PAX3: variants seen among roughly 807,000 people sequenced by gnomAD.
The protein encoded by PAX3 is paired box 3.
A neutral mutation model predicts 51.6 loss-of-function variants in PAX3; 14 were observed. The observed-to-expected ratio is 0.27, with a 90% CI of 0.18 to 0.42. The LOEUF is 0.42. Among genes scored for constraint, PAX3 ranks in the 10% least tolerant of loss-of-function variants. The pLI is 1.00. For missense variants in PAX3, 540 were observed against 642.8 expected, an observed-to-expected ratio of 0.84 and a Z score of 1.73; for synonymous variants, 280 against 253.4, an observed-to-expected ratio of 1.11 and a Z score of -1.00.
intron 4 of PAX3, among the ~76,000 whole-genome samples, chr2:222,238,907 A>G (rs773414506): frequency 4.6e-5 from 7 of 152,200 alleles, no homozygotes; most frequent in Non-Finnish European, 1.0e-4. Flanking sequence ...CTAATTGCAG[A>G]AGGTCTCCTG....
intron 4 of PAX3, among the ~76,000 whole-genome samples, chr2:222,241,393 A>G (rs761278408): frequency 1.3e-5 from 2 of 152,226 alleles, no homozygotes; most frequent in Non-Finnish European, 2.9e-5. Context: ...GGAAGAAGAG[A>G]CAAATGAACA....
intron 4 of PAX3, among the ~76,000 whole-genome samples, chr2:222,292,396 C>G (rs1327749948): frequency 6.6e-6 from 1 of 152,214 alleles, no homozygotes; most frequent in African/African-American, 2.4e-5. Flanking sequence ...GGCTTTGTCT[C>G]CCAAGTTCAT....
chr2:222,293,856 G>A, intron 4 of PAX3: 3 of 1,612,204 alleles, frequency 1.9e-6, no homozygotes, highest in Non-Finnish European at 2.5e-6. Flanking sequence ...ACATTTAATG[G>A]CAACAGAGTG....
chr2:222,201,861 G>A, intron 8 of PAX3, 83 bp downstream of exon 8: 1 of 1,611,704 alleles, frequency 6.2e-7, no homozygotes, highest in Non-Finnish European at 8.5e-7. Flanking sequence ...GCTTAATCTT[G>A]CCTCTAATTC....
Position 222,210,178 on chromosome 2 carries a change from C to T in PAX3, c.1174-7988G>A, listed in dbSNP as rs77447930. Among the ~76,000 whole-genome samples, 1,019 of 152,282 alleles carry T rather than the reference C, an allele frequency of 6.7e-3. 12 individuals are homozygous for T. The highest frequency in any genetic ancestry group is 0.023 in the African/African-American group (973 of 41,556). Reference sequence around the variant, plus strand: ...GTAGGCTGGCAACATGCAGAACCTACTTTGATCTTCAGAAACTAATTCTGT... The same window carrying T: ...GTAGGCTGGCAACATGCAGAACCTATTTTGATCTTCAGAAACTAATTCTGT... On this transcript the variant is annotated intron_variant, in intron 7 of 8. Transcript: ENST00000392070.
intron 4 of PAX3, chr2:222,263,104 T>C (rs947612456): frequency 6.6e-6 from 1 of 152,132 alleles, no homozygotes; most frequent in Admixed American, 6.6e-5. Flanking sequence ...AAATAAAAAA[T>C]TGACAAATTG....
intron 5 of PAX3, 151 bp from the exon 6 acceptor site, chr2:222,221,538 T>C (rs1422503621): frequency 1.9e-5 from 14 of 740,404 alleles, no homozygotes; most frequent in Non-Finnish European, 2.8e-5. Context: ...TTGGGCGAAT[T>C]GTCAGGAGTA....
At chr2:222,249,592 T>C (rs1256998260) in intron 4 of PAX3, among the ~76,000 whole-genome samples, 1 of 151,852 alleles carries the variant, frequency 6.6e-6, no homozygotes, top group South Asian at 2.2e-4. Flanking sequence ...TTTGGGAAGA[T>C]CCACTTTAAG....
At chr2:222,217,906 C>T (rs1225217782) in intron 7 of PAX3, among the ~76,000 whole-genome samples, 2 of 152,118 alleles carry the variant, frequency 1.3e-5, no homozygotes, top group Non-Finnish European at 2.9e-5. Context: ...ATCCAATTTT[C>T]CTACTCCACT....
chr2:222,289,210 C>T (rs1694940861), intron 4 of PAX3, among the ~76,000 whole-genome samples: 1 of 152,192 alleles, frequency 6.6e-6, no homozygotes, highest in African/African-American at 2.4e-5. Flanking sequence ...GAACGTAAAA[C>T]ATTTTCTGTT....
intron 5 of PAX3, chr2:222,221,600 T>A (rs1320311676): frequency 1.9e-6 from 1 of 529,994 alleles, no homozygotes; most frequent in African/African-American, 1.9e-5. Context: ...GGACCCACCA[T>A]GATCTTGCAA....
At chr2:222,294,424 T>C in intron 3 of PAX3, 123 bp from the exon 4 acceptor site, 1 of 1,022,888 alleles carries the variant, frequency 9.8e-7, no homozygotes, top group Non-Finnish European at 1.5e-6. Context: ...CCTGCACTGC[T>C]CGCGGGTGTC....
chr2:222,253,842 TG>T (rs1353008607), intron 4 of PAX3, among the ~76,000 whole-genome samples: 2 of 151,982 alleles, frequency 1.3e-5, no homozygotes, highest in Non-Finnish European at 2.9e-5. Flanking sequence ...TTTTAAGAGA[TG>T]GGGCTCTCAC....
chr2:222,262,050 G>C (rs6760077), intron 4 of PAX3, among the ~76,000 whole-genome samples: 21,042 of 152,186 alleles, frequency 0.14, 1,724 homozygotes, highest in Non-Finnish European at 0.18. Flanking sequence ...ACAATCCATT[G>C]GTTTTGCATG....
In PAX3 at chr2:222,297,070, G is replaced by A; in HGVS notation, c.229C>T (p.Arg77Cys). The change falls in exon 2 of 9, where the codon CGC (arginine) becomes TGC (cysteine). Residue 77 changes from arginine (R) to cysteine (C), a missense_variant. Physicochemically the swap from Arg to Cys is radical, Grantham distance 180. This residue lies in a region of PAX3 where 50 missense variants were observed against 109.3 expected (regional missense o/e 0.46). Transcript: ENST00000392070. The stretch of plus-strand genomic sequence containing the variant: ...TTGGAGACGCAGCCGTGGGACACGC[G>A]CAGCTGGCGCGAGATGACGCAGGGC... ...IRPCVISRQL[R>C]VSHGCVSKIL... 1 of 1,614,130 alleles carries A rather than the reference G, an allele frequency of 6.2e-7. No individual in the cohort carries two copies. The highest frequency in any genetic ancestry group is 8.5e-7 in the Non-Finnish European group (1 of 1,180,008).
Position 222,232,079 on chromosome 2 carries a change from T to A in PAX3, c.791A>T (p.Gln264Leu). Residue 264 changes from glutamine to leucine, a missense_variant and splice_region_variant, in exon 5 of 9, where the codon CAG becomes CTG. Physicochemically the swap from Gln to Leu is moderately radical, Grantham distance 113. Transcript: ENST00000392070. ...QRAKLTEARV[Q>L]VWFSNRRARW... ...ACACGGAGGTTTGGGCAACAGTACC[T>A]GTACTCGGGCCTCGGTGAGCTTCGC... 6.2e-7 allele frequency: 1 copy of A among 1,613,688 alleles called. No homozygotes were observed. Among genetic ancestry groups the A allele is most frequent in the Non-Finnish European group, 8.5e-7 (1 of 1,179,832 alleles).
intron 4 of PAX3, among the ~76,000 whole-genome samples, chr2:222,255,055 T>C (rs1040325741): frequency 6.6e-6 from 1 of 152,204 alleles, no homozygotes; most frequent in Non-Finnish European, 1.5e-5. Context: ...AGTACTGGGA[T>C]TACAGGCTTG....
At chr2:222,235,319 C>G (rs1251823873) in intron 4 of PAX3, among the ~76,000 whole-genome samples, 1 of 152,142 alleles carries the variant, frequency 6.6e-6, no homozygotes, top group South Asian at 2.1e-4. Context: ...ACAGTAGGCA[C>G]TCAATAAGGA....
intron 7 of PAX3, among the ~76,000 whole-genome samples, chr2:222,211,686 C>T (rs892273776): frequency 6.6e-6 from 1 of 152,134 alleles, no homozygotes; most frequent in Non-Finnish European, 1.5e-5. Flanking sequence ...TTATTAGGTA[C>T]ATCCCAGGAA....
Sources: allele counts gnomAD v4.1 joint callset (sites outside exome capture counted in the v4.1 genomes callset), GRCh38; gene constraint gnomAD v4.1.1; regional missense constraint gnomAD v4.1.1; transcripts MANE v1.5; gene names NCBI Gene and HGNC (gene_info 2026-07-23, HGNC 2026-07-21).